ANO3: variants seen among roughly 807,000 people sequenced by gnomAD.
ANO3 encodes anoctamin 3.
Under a neutral mutation model 144.8 loss-of-function variants are expected in ANO3, and 99 were observed. That is an observed-to-expected ratio of 0.68 (90% CI 0.58 to 0.81). ANO3 has a LOEUF of 0.81. Ranked by LOEUF, ANO3 falls within the 30% of genes least tolerant of loss-of-function variation. The probability of loss-of-function intolerance (pLI) is 0.00; values close to 1 mark genes in which losing one functional copy is unlikely to be tolerated. For synonymous variants in ANO3, 414 were observed against 392.6 expected (o/e 1.05, Z -0.64); for missense variants, 905 against 1,202.2 (o/e 0.75, Z 3.66).
chr11:26,485,070 C>T lies in ANO3; in HGVS notation c.432+21922C>T, dbSNP rs955918026. On this transcript the variant is annotated intron_variant, in intron 4 of 26. Transcript: ENST00000256737. ...AGGCTCATAGGTGGAAGGAACTTGC[C>T]TTGTCTCAGATGAAACTTTGGACTG... Among the ~76,000 whole-genome samples the T allele has an allele frequency of 3.9e-5, 6 of 152,258 alleles. No homozygotes were observed. The South Asian group carries it at 1.2e-3, about 32-fold the overall frequency.
At chr11:26,520,395 C>CTT (rs1862027729) in intron 6 of ANO3, among the ~76,000 whole-genome samples, 2 of 152,110 alleles carry the variant, frequency 1.3e-5, no homozygotes, top group Admixed American at 6.5e-5. Flanking sequence ...AAACATGGAA[C>CTT]ATGTGCAGTT....
intron 1 of ANO3, among the ~76,000 whole-genome samples, chr11:26,311,848 T>G (rs1338959573): frequency 6.6e-6 from 1 of 152,214 alleles, no homozygotes; most frequent in Non-Finnish European, 1.5e-5. Flanking sequence ...TCTCTTGTTT[T>G]TTAAAAAACT....
At chr11:26,316,298 T>C (rs1276606710) in intron 1 of ANO3, among the ~76,000 whole-genome samples, 1 of 152,120 alleles carries the variant, frequency 6.6e-6, no homozygotes, top group African/African-American at 2.4e-5. Context: ...ATTTATTCAG[T>C]TTAGTGAGGG....
At chr11:26,300,480 A>T (rs1387322175) in intron 1 of ANO3, among the ~76,000 whole-genome samples, 1 of 152,232 alleles carries the variant, frequency 6.6e-6, no homozygotes, top group Admixed American at 6.5e-5. Flanking sequence ...GTGAGGCTGG[A>T]GAAGAATCGA....
chr11:26,382,495 A>G (rs1367222010), intron 1 of ANO3, among the ~76,000 whole-genome samples: 8 of 152,180 alleles, frequency 5.3e-5, no homozygotes, highest in Non-Finnish European at 1.0e-4. Flanking sequence ...AAAGAATTGC[A>G]GAACTTATAC....
At chr11:26,269,063 C>A (rs1365825548) in intron 1 of ANO3, among the ~76,000 whole-genome samples, 1 of 152,120 alleles carries the variant, frequency 6.6e-6, no homozygotes. Context: ...CCCCCAGGCC[C>A]AACCAGAGGC....
chr11:26,395,301 T>C (rs1856982469), intron 1 of ANO3, among the ~76,000 whole-genome samples: 1 of 152,040 alleles, frequency 6.6e-6, no homozygotes, highest in South Asian at 2.1e-4. Flanking sequence ...GCTTTTTTTC[T>C]AATTCTGTGA....
intron 23 of ANO3, among the ~76,000 whole-genome samples, chr11:26,644,114 G>A (rs1853262085): frequency 6.6e-6 from 1 of 152,156 alleles, no homozygotes; most frequent in South Asian, 2.1e-4. Context: ...TTAGCACCAT[G>A]TGGTTTTCTA....
chr11:26,367,822 C>G (rs1856135869), intron 1 of ANO3, among the ~76,000 whole-genome samples: 1 of 152,104 alleles, frequency 6.6e-6, no homozygotes, highest in African/African-American at 2.4e-5. Flanking sequence ...GAAGGGGAAA[C>G]AGATATGCCA....
At chr11:26,195,758 T>C (rs898245341) in intron 1 of ANO3, among the ~76,000 whole-genome samples, 1 of 152,192 alleles carries the variant, frequency 6.6e-6, no homozygotes, top group Non-Finnish European at 1.5e-5. Context: ...CATCATTACA[T>C]AATATATGAC....
chr11:26,254,484 A>G (rs1292884255), intron 1 of ANO3, among the ~76,000 whole-genome samples: 1 of 152,162 alleles, frequency 6.6e-6, no homozygotes, highest in East Asian at 1.9e-4. Flanking sequence ...TTTCTAGTCT[A>G]TAAGGAATGT....
At chr11:26,644,308 T>C (rs1156535582) in intron 23 of ANO3, among the ~76,000 whole-genome samples, 1 of 152,238 alleles carries the variant, frequency 6.6e-6, no homozygotes, top group African/African-American at 2.4e-5. Flanking sequence ...TGCCTCATTC[T>C]GTATGATTCC....
intron 1 of ANO3, among the ~76,000 whole-genome samples, chr11:26,367,736 A>T (rs1856133317): frequency 6.6e-6 from 1 of 152,198 alleles, no homozygotes; most frequent in African/African-American, 2.4e-5. Flanking sequence ...GGAAGCATAC[A>T]GTAAAGGAAG....
intron 1 of ANO3, among the ~76,000 whole-genome samples, chr11:26,340,904 TTTAA>T (rs1590274757): frequency 6.6e-6 from 1 of 152,208 alleles, no homozygotes; most frequent in East Asian, 1.9e-4. Context: ...AACTGGACAC[TTTAA>T]TTAATGAGTT....
At chr11:26,478,897 T>C (rs536210266) in intron 4 of ANO3, among the ~76,000 whole-genome samples, 25 of 152,344 alleles carry the variant, frequency 1.6e-4, no homozygotes, top group Non-Finnish European at 2.1e-4. Flanking sequence ...GCTCACTGCT[T>C]GTGCCGCTGG....
At chr11:26,226,164 C>A (rs181391129) in intron 1 of ANO3, among the ~76,000 whole-genome samples, 1 of 151,966 alleles carries the variant, frequency 6.6e-6, no homozygotes, top group African/African-American at 2.4e-5. Context: ...ATTTATTGAC[C>A]AGATTTCTTT....
intron 10 of ANO3, among the ~76,000 whole-genome samples, chr11:26,537,839 A>G (rs1184100636): frequency 6.6e-6 from 1 of 152,114 alleles, no homozygotes; most frequent in Non-Finnish European, 1.5e-5. Flanking sequence ...CACCACAAAA[A>G]CCTATAGCCA....
chr11:26,526,198 C>T (rs759596369), intron 7 of ANO3, among the ~76,000 whole-genome samples: 25 of 152,196 alleles, frequency 1.6e-4, no homozygotes, highest in East Asian at 1.9e-4. Context: ...GTATTGAAAA[C>T]GAACTTTTGA....
chr11:26,241,040 G>A (rs914692215), intron 1 of ANO3, among the ~76,000 whole-genome samples: 1 of 152,146 alleles, frequency 6.6e-6, no homozygotes, highest in Non-Finnish European at 1.5e-5. Flanking sequence ...AATCATGGGG[G>A]CAGGTCTTTC....
Sources: gnomAD v4.1 joint callset for allele counts (sites outside exome capture counted in the v4.1 genomes callset) on GRCh38, gnomAD v4.1.1 for gene constraint, MANE v1.5 for transcripts, NCBI Gene and HGNC (gene_info 2026-07-23, HGNC 2026-07-21) for gene names.